Variants in MSRB3 observed in about 807,000 individuals in gnomAD.
MSRB3 encodes methionine sulfoxide reductase B3.
In MSRB3, 13 loss-of-function variants were observed where a neutral mutation model predicts 21.0. The observed-to-expected ratio is 0.62, with a 90% CI of 0.40 to 0.98. The LOEUF is 0.98. Ranked by LOEUF, MSRB3 falls within the 50% of genes least tolerant of loss-of-function variation. MSRB3 has a pLI of 0.00. For synonymous variants in MSRB3, 87 were observed against 88.6 expected (o/e 0.98, Z 0.10); for missense variants, 199 against 230.3 (o/e 0.86, Z 0.88).
intron 5 of MSRB3, among the ~76,000 whole-genome samples, chr12:65,383,986 G>A (rs1451743224): frequency 3.3e-5 from 5 of 152,080 alleles, no homozygotes; most frequent in Non-Finnish European, 7.3e-5. Context: ...GAGATATGCT[G>A]CTCGATAACA....
chr12:65,352,164 C>T (rs1473692441), intron 4 of MSRB3, among the ~76,000 whole-genome samples: 4 of 152,094 alleles, frequency 2.6e-5, no homozygotes, highest in Non-Finnish European at 5.9e-5. Flanking sequence ...TCAATATATG[C>T]AAATCAATAA....
At chr12:65,316,246 C>T (rs1188266270) in intron 2 of MSRB3, 1 of 151,824 alleles carries the variant, frequency 6.6e-6, no homozygotes, top group Non-Finnish European at 1.5e-5. Context: ...AAGATATGAC[C>T]TTCAGGTGAG....
At chr12:65,390,034 T>C (rs1306630570) in intron 5 of MSRB3, among the ~76,000 whole-genome samples, 1 of 152,214 alleles carries the variant, frequency 6.6e-6, no homozygotes, top group Admixed American at 6.5e-5. Flanking sequence ...TGAGCTTTTC[T>C]TTCCTGAAAC....
intron 5 of MSRB3, among the ~76,000 whole-genome samples, chr12:65,407,006 G>A (rs1880449306): frequency 6.6e-6 from 1 of 152,148 alleles, no homozygotes; most frequent in Non-Finnish European, 1.5e-5. Flanking sequence ...ATTAATTTCT[G>A]TTCTTTATAA....
rs1236038169 is a variant in MSRB3, at chr12:65,415,616, A to G, written c.293-38112A>G. The stretch of plus-strand genomic sequence containing the variant: ...AGCATTTGTTGAACTGGTAAATGAA[A>G]TTTCTGCTGGTCTTACAAGAGAATT... On this transcript the variant is annotated intron_variant, in intron 5 of 6. Coordinates refer to ENST00000308259, the MANE Select transcript of MSRB3 (RefSeq NM_001031679.3). Among the ~76,000 whole-genome samples the G allele has an allele frequency of 2.0e-5, 3 of 152,320 alleles. No individual in the cohort carries two copies. In the South Asian group the frequency reaches 6.2e-4, roughly 32 times the overall value.
At chr12:65,405,514 A>G (rs1277816690) in intron 5 of MSRB3, among the ~76,000 whole-genome samples, 2 of 151,902 alleles carry the variant, frequency 1.3e-5, no homozygotes, top group South Asian at 4.1e-4. Context: ...ATTCCATTCC[A>G]TATCTTGGCT....
chr12:65,394,932 A>G (rs1879694756), intron 5 of MSRB3, among the ~76,000 whole-genome samples: 1 of 152,218 alleles, frequency 6.6e-6, no homozygotes, highest in East Asian at 1.9e-4. Context: ...AATAAAGGAC[A>G]TATGAAAACC....
At chr12:65,299,977 G>C (rs974360499) in intron 1 of MSRB3, among the ~76,000 whole-genome samples, 18 of 152,120 alleles carry the variant, frequency 1.2e-4, no homozygotes, top group African/African-American at 4.3e-4. Flanking sequence ...ATTAGTTCCA[G>C]GGTCATGATC....
intron 5 of MSRB3, among the ~76,000 whole-genome samples, chr12:65,388,415 C>A (rs2136571855): frequency 6.6e-6 from 1 of 152,244 alleles, no homozygotes; most frequent in African/African-American, 2.4e-5. Flanking sequence ...CCACCAGGTT[C>A]CTTGTGCACT....
intron 1 of MSRB3, among the ~76,000 whole-genome samples, chr12:65,289,631 T>G (rs920845710): frequency 9.9e-5 from 15 of 152,282 alleles, no homozygotes; most frequent in South Asian, 4.1e-4. Context: ...GTCATGGGAG[T>G]TTGGTGTACA....
Position 65,328,611 on chromosome 12 carries a change from T to A in MSRB3, c.263+8T>A. 6.3e-7 allele frequency: 1 copy of A among 1,593,294 alleles called. No individual in the cohort carries two copies. Among genetic ancestry groups the A allele is most frequent in the Non-Finnish European group, 8.6e-7 (1 of 1,161,332 alleles). On this transcript the variant is annotated splice_region_variant and intron_variant, in intron 4 of 6. Transcript: ENST00000308259. ...TGGAACTCCATTGTTTAAGTAAGTA[T>A]GTTGAAAACCTATAGGTATGGCTGT...
chr12:65,358,394 G>A (rs1877511454), intron 4 of MSRB3, among the ~76,000 whole-genome samples: 1 of 151,734 alleles, frequency 6.6e-6, no homozygotes, highest in African/African-American at 2.4e-5. Context: ...ATTTATATCA[G>A]TATAGACTCA....
intron 5 of MSRB3, among the ~76,000 whole-genome samples, chr12:65,412,923 A>G (rs561635153): frequency 6.6e-6 from 1 of 152,218 alleles, no homozygotes; most frequent in East Asian, 1.9e-4. Context: ...GCACTTTATA[A>G]AACCATCAGA....
chr12:65,337,242 CA>C (rs532170977), intron 4 of MSRB3, among the ~76,000 whole-genome samples: 2 of 145,744 alleles, frequency 1.4e-5, no homozygotes, highest in Non-Finnish European at 3.0e-5. Flanking sequence ...GACTCCGTCT[CA>C]AAAAAAACAA....
Position 65,330,158 on chromosome 12 carries a change from G to A in MSRB3, c.263+1555G>A, listed in dbSNP as rs188944332. Among the ~76,000 whole-genome samples, 118 of 152,148 alleles carry A rather than the reference G, an allele frequency of 7.8e-4. 1 individual carries two copies. In the Middle Eastern group the frequency reaches 0.024, roughly 31 times the overall value. ...CTACCATGTGATTCACTAAAGTATG[G>A]GATCTAAAGAAAACTTACTGTTTTA... On this transcript the variant is annotated intron_variant, in intron 4 of 6. Coordinates refer to ENST00000308259, the MANE Select transcript of MSRB3 (RefSeq NM_001031679.3).
chr12:65,417,635 T>C (rs1349952183), intron 5 of MSRB3, among the ~76,000 whole-genome samples: 1 of 152,158 alleles, frequency 6.6e-6, no homozygotes, highest in African/African-American at 2.4e-5. Context: ...GACCAACATC[T>C]CCCCAAACTC....
At chr12:65,427,658 G>A (rs1881668786) in intron 5 of MSRB3, among the ~76,000 whole-genome samples, 1 of 152,148 alleles carries the variant, frequency 6.6e-6, no homozygotes, top group South Asian at 2.1e-4. Flanking sequence ...GCTCTGGGGT[G>A]TAATGGCACT....
chr12:65,443,629 C>T (rs987601507), intron 5 of MSRB3, among the ~76,000 whole-genome samples: 9 of 151,994 alleles, frequency 5.9e-5, no homozygotes, highest in Admixed American at 2.6e-4. Flanking sequence ...ATTCAGTTCC[C>T]GGGGAGGGTT....
At chr12:65,429,684 G>A (rs1881784370) in intron 5 of MSRB3, among the ~76,000 whole-genome samples, 1 of 152,132 alleles carries the variant, frequency 6.6e-6, no homozygotes, top group Admixed American at 6.6e-5. Flanking sequence ...TTATTAGTGG[G>A]ATTTTACCAG....
Sources: allele counts gnomAD v4.1 joint callset (sites outside exome capture counted in the v4.1 genomes callset), GRCh38; gene constraint gnomAD v4.1.1; transcripts MANE v1.5; gene names NCBI Gene and HGNC (gene_info 2026-07-23, HGNC 2026-07-21).